The following PCDHA5 variants were observed in gnomAD, a reference collection of about 807,000 sequenced individuals.
PCDHA5 encodes the protein protocadherin alpha-5.
A neutral mutation model predicts 61.6 loss-of-function variants in PCDHA5; 43 were observed. That is an observed-to-expected ratio of 0.70 (90% CI 0.55 to 0.90). The LOEUF is 0.90. PCDHA5 is among the 40% of genes least tolerant of loss of function. The probability of loss-of-function intolerance (pLI) is 0.00; values close to 1 mark genes in which losing one functional copy is unlikely to be tolerated. For missense variants in PCDHA5, 1,298 were observed against 1,222.7 expected (o/e 1.06, Z -0.92); for synonymous variants, 627 against 543.9 (o/e 1.15, Z -2.13).
intron 1 of PCDHA5, among the ~76,000 whole-genome samples, chr5:140,894,207 A>G (rs962841413): frequency 3.9e-5 from 6 of 152,012 alleles, no homozygotes; most frequent in African/African-American, 1.4e-4. Flanking sequence ...ATGCTATTAT[A>G]TTCTCATTTT....
chr5:140,937,805 G>T (rs1192616946), intron 1 of PCDHA5, among the ~76,000 whole-genome samples: 1 of 149,924 alleles, frequency 6.7e-6, no homozygotes, highest in Admixed American at 6.6e-5. Flanking sequence ...CCAGCTACTC[G>T]GGAAGCTGAG....
At chr5:140,826,144 C>A (rs1554130462) in intron 1 of PCDHA5, among the ~76,000 whole-genome samples, 1 of 152,076 alleles carries the variant, frequency 6.6e-6, no homozygotes, top group East Asian at 1.9e-4. Flanking sequence ...TTGAGGAAGT[C>A]CTAGAAATTG....
At chr5:140,840,691 C>G (rs2150308754) in intron 1 of PCDHA5, among the ~76,000 whole-genome samples, 2 of 151,924 alleles carry the variant, frequency 1.3e-5, no homozygotes, top group Non-Finnish European at 2.9e-5. Context: ...GTAAATAAAA[C>G]GGTTCAGGCA....
chr5:140,849,289 A>G, intron 1 of PCDHA5: 1 of 1,220,472 alleles, frequency 8.2e-7, no homozygotes, highest in Non-Finnish European at 1.1e-6. Context: ...ATTCACCCCA[A>G]TGCCTCAGAT....
intron 1 of PCDHA5, among the ~76,000 whole-genome samples, chr5:140,855,367 A>C (rs1244767077): frequency 6.7e-6 from 1 of 150,034 alleles, no homozygotes; most frequent in African/African-American, 2.4e-5. Flanking sequence ...AGTGAGTAGG[A>C]TAATAGGAAT....
intron 1 of PCDHA5, among the ~76,000 whole-genome samples, chr5:140,912,103 G>A (rs1431283462): frequency 6.6e-6 from 1 of 152,212 alleles, no homozygotes; most frequent in Non-Finnish European, 1.5e-5. Context: ...GGAGAAAGAT[G>A]TAGGCTGGGA....
chr5:140,967,727 G>A, intron 1 of PCDHA5: 1 of 1,614,148 alleles, frequency 6.2e-7, no homozygotes. Context: ...GCGAGTAATT[G>A]GGGGGCTGGA....
chr5:140,969,826 A>G (rs782339572), intron 1 of PCDHA5, among the ~76,000 whole-genome samples: 24 of 152,344 alleles, frequency 1.6e-4, no homozygotes, highest in Middle Eastern at 3.4e-3. Flanking sequence ...TGGACTGTCT[A>G]CAGTGGAAAT....
At position 140,967,080 on chromosome 5, in the gene PCDHA5, T is replaced by C. The variant is rs781942171; in HGVS notation, c.2353-11869T>C. On this transcript the variant is annotated intron_variant, in intron 1 of 3. Transcript: ENST00000529859. The stretch of plus-strand genomic sequence containing the variant: ...GGAGCGCTCTTCGTCAACGAGCGCA[T>C]TGATCGGGAGGCGCTGTGTGAGCAG... 168 of 1,613,222 alleles carry C rather than the reference T, an allele frequency of 1.0e-4. No homozygotes were observed. The highest frequency in any genetic ancestry group is 3.7e-4 in the Admixed American group (22 of 60,010).
intron 1 of PCDHA5, chr5:140,878,053 C>T (rs2057454277): frequency 2.2e-6 from 1 of 456,148 alleles, no homozygotes; most frequent in Non-Finnish European, 3.5e-6. Flanking sequence ...TGGAGCACCA[C>T]ACTTAATATT....
intron 1 of PCDHA5, among the ~76,000 whole-genome samples, chr5:140,898,001 C>G (rs2066457062): frequency 6.6e-6 from 1 of 152,116 alleles, no homozygotes; most frequent in Non-Finnish European, 1.5e-5. Flanking sequence ...TGAGAAGTGT[C>G]TGTTCATATC....
chr5:140,908,456 T>C (rs557022321), intron 1 of PCDHA5, among the ~76,000 whole-genome samples: 2 of 152,174 alleles, frequency 1.3e-5, no homozygotes, highest in South Asian at 4.1e-4. Context: ...GCTAGATGGA[T>C]CAGAAAGCAC....
chr5:140,840,691 C>T (rs886762733), intron 1 of PCDHA5, among the ~76,000 whole-genome samples: 1 of 151,924 alleles, frequency 6.6e-6, no homozygotes, highest in Non-Finnish European at 1.5e-5. Context: ...GTAAATAAAA[C>T]GGTTCAGGCA....
rs1554128619 is a variant in PCDHA5 at position 140,822,412 on chromosome 5, G to A, written c.637G>A (p.Ala213Thr). The A allele has an allele frequency of 6.2e-7, 1 of 1,614,066 alleles. No homozygotes were observed. Among genetic ancestry groups the A allele is most frequent in the South Asian group, 1.1e-5 (1 of 91,084 alleles). The change falls in exon 1 of 4, where the codon GCA becomes ACA. Residue 213 changes from alanine (A) to threonine (T), a missense_variant. Transcript: ENST00000529859. ...ACAAGAACACCGTTTATTAGTGATTGCAACTGATGGAGGAAAACCCGAACT... is the reference window on the plus strand; with the variant it reads ...ACAAGAACACCGTTTATTAGTGATTACAACTGATGGAGGAAAACCCGAACT... ...ETQEHRLLVI[A>T]TDGGKPELTG...
At chr5:140,899,228 T>G (rs1194169721) in intron 1 of PCDHA5, among the ~76,000 whole-genome samples, 1 of 152,126 alleles carries the variant, frequency 6.6e-6, no homozygotes, top group Non-Finnish European at 1.5e-5. Context: ...CAACACTATG[T>G]TGAATAGGAG....
intron 1 of PCDHA5, among the ~76,000 whole-genome samples, chr5:140,975,382 A>G (rs1219046015): frequency 1.3e-5 from 2 of 152,258 alleles, no homozygotes; most frequent in African/African-American, 4.8e-5. Flanking sequence ...AATCATGGGA[A>G]TAAGATCCAT....
chr5:140,881,480 TTG>T, intron 1 of PCDHA5: 2 of 445,316 alleles, frequency 4.5e-6, no homozygotes, highest in Non-Finnish European at 5.9e-6. Context: ...GGCTAAATTA[TTG>T]TGTTTATGCA....
intron 1 of PCDHA5, among the ~76,000 whole-genome samples, chr5:140,950,831 TTAAGAC>T (rs1337916001): frequency 6.6e-6 from 1 of 152,128 alleles, no homozygotes; most frequent in Non-Finnish European, 1.5e-5. Flanking sequence ...GTTTGGTCCT[TTAAGAC>T]TATACATTTC....
At chr5:140,833,481 C>T (rs968356288) in intron 1 of PCDHA5, among the ~76,000 whole-genome samples, 1 of 152,024 alleles carries the variant, frequency 6.6e-6, no homozygotes, top group South Asian at 2.1e-4. Flanking sequence ...AGAAATAATA[C>T]AAATCATATT....
Sources: gnomAD v4.1 joint callset for allele counts (sites outside exome capture counted in the v4.1 genomes callset) on GRCh38, gnomAD v4.1.1 for gene constraint, MANE v1.5 for transcripts, NCBI Gene and HGNC (gene_info 2026-07-23, HGNC 2026-07-21) for gene names.